The following MACO1 variants were observed in gnomAD, a reference collection of about 807,000 sequenced individuals.
MACO1 encodes the protein macoilin 1, also known as macoilin.
A neutral mutation model predicts 78.7 loss-of-function variants in MACO1; 14 were observed. The ratio of observed to expected loss-of-function variants is 0.18; its 90% CI spans 0.12 to 0.28. The LOEUF (loss-of-function observed/expected upper bound fraction) is 0.28, where lower values mean the gene tolerates loss of function less well. Among genes scored for constraint, MACO1 ranks in the 10% least tolerant of loss-of-function variants. The pLI, the probability that MACO1 is intolerant of heterozygous loss-of-function variation, is 1.00. For missense variants in MACO1, 501 were observed against 799.0 expected, an observed-to-expected ratio of 0.63 and a Z score of 4.50; for synonymous variants, 288 against 291.6, an observed-to-expected ratio of 0.99 and a Z score of 0.12.
chr1:25,455,433 C>T (rs377136466), intron 4 of MACO1, among the ~76,000 whole-genome samples: 2 of 152,196 alleles, frequency 1.3e-5, no homozygotes, highest in East Asian at 1.9e-4. Context: ...AATACTGTTT[C>T]CAGTATTTTT....
intron 6 of MACO1, among the ~76,000 whole-genome samples, chr1:25,480,012 T>C (rs985762828): frequency 6.6e-6 from 1 of 152,242 alleles, no homozygotes; most frequent in Non-Finnish European, 1.5e-5. Flanking sequence ...TTATGAGTTA[T>C]TTATATTTTT....
intron 6 of MACO1, among the ~76,000 whole-genome samples, chr1:25,480,929 A>AAATATAT (rs1553166539): frequency 2.1e-5 from 1 of 47,912 alleles, no homozygotes; most frequent in Non-Finnish European, 3.4e-5. Flanking sequence ...AAAAAAAAAA[A>AAATATAT]ATATATATAT....
chr1:25,487,735 A>G (rs1055111151), intron 8 of MACO1, among the ~76,000 whole-genome samples: 3 of 152,194 alleles, frequency 2.0e-5, no homozygotes, highest in African/African-American at 7.2e-5. Flanking sequence ...AGTGGGGGGA[A>G]AATTTTTTTC....
chr1:25,483,326 C>T (rs2043397728), intron 6 of MACO1, among the ~76,000 whole-genome samples: 1 of 152,232 alleles, frequency 6.6e-6, no homozygotes, highest in African/African-American at 2.4e-5. Context: ...GCTGGGATTA[C>T]AGGCATGAGC....
intron 3 of MACO1, among the ~76,000 whole-genome samples, chr1:25,450,168 A>T (rs2043052875): frequency 6.6e-6 from 1 of 152,234 alleles, no homozygotes; most frequent in Admixed American, 6.5e-5. Context: ...TTAGAGATTT[A>T]AAGACACTGT....
At chr1:25,464,517 G>A (rs2043199216) in intron 6 of MACO1, among the ~76,000 whole-genome samples, 1 of 151,354 alleles carries the variant, frequency 6.6e-6, no homozygotes, top group Admixed American at 6.6e-5. Flanking sequence ...GCTAATTTTT[G>A]TATTTTTGGT....
intron 5 of MACO1, among the ~76,000 whole-genome samples, chr1:25,458,119 C>G (rs1332072997): frequency 6.6e-6 from 1 of 152,124 alleles, no homozygotes; most frequent in Non-Finnish European, 1.5e-5. Flanking sequence ...ATCTTGTTTT[C>G]AAGACTAGAC....
intron 6 of MACO1, 66 bp from the exon 7 acceptor site, chr1:25,484,050 C>T (rs1322767532): frequency 2.0e-6 from 3 of 1,508,920 alleles, no homozygotes; most frequent in African/African-American, 1.4e-5. Context: ...GGACCCCCAC[C>T]AGGTCCCTCC....
intron 1 of MACO1, among the ~76,000 whole-genome samples, chr1:25,435,419 G>T (rs2042911532): frequency 6.6e-6 from 1 of 152,110 alleles, no homozygotes; most frequent in South Asian, 2.1e-4. Context: ...CCTCAAAAGT[G>T]ACTTTTTAAA....
intron 6 of MACO1, among the ~76,000 whole-genome samples, chr1:25,467,281 C>G (rs972318716): frequency 6.6e-6 from 1 of 152,046 alleles, no homozygotes; most frequent in Non-Finnish European, 1.5e-5. Context: ...AAAGAAATCA[C>G]TCTCTAAGAT....
At chr1:25,465,855 CAT>C (rs1253220793) in intron 6 of MACO1, among the ~76,000 whole-genome samples, 8 of 152,206 alleles carry the variant, frequency 5.3e-5, no homozygotes, top group African/African-American at 1.9e-4. Flanking sequence ...TGAGTACAAA[CAT>C]GTAATATCAG....
At chr1:25,471,944 A>G (rs1171253406) in intron 6 of MACO1, among the ~76,000 whole-genome samples, 1 of 152,188 alleles carries the variant, frequency 6.6e-6, no homozygotes, top group Non-Finnish European at 1.5e-5. Flanking sequence ...GTTACAAGGG[A>G]AAAGAGGAGA....
intron 6 of MACO1, among the ~76,000 whole-genome samples, chr1:25,465,512 GTTTTAAT>G (rs763658412): frequency 1.3e-5 from 2 of 152,174 alleles, no homozygotes; most frequent in Non-Finnish European, 2.9e-5. Flanking sequence ...GTATCTCGTT[GTTTTAAT>G]TTGCATTTCC....
intron 8 of MACO1, among the ~76,000 whole-genome samples, chr1:25,486,698 G>A (rs562023675): frequency 6.6e-6 from 1 of 152,110 alleles, no homozygotes; most frequent in South Asian, 2.1e-4. Flanking sequence ...TCTGGCATTT[G>A]CAGAATAATT....
In MACO1 at chr1:25,458,094, A is replaced by G. The variant is rs550708522; in HGVS notation, c.653-297A>G. ...TTGACTAATACACAAAGTGTGACCT[A>G]ATTATAAAACCCTGATCTTGTTTTC... On this transcript the variant is annotated intron_variant, in intron 5 of 10. Transcript: ENST00000374343. Among the ~76,000 whole-genome samples, 3 of 152,312 alleles carry G rather than the reference A, an allele frequency of 2.0e-5. No individual in the cohort carries two copies. The South Asian group carries it at 6.2e-4, about 32-fold the overall frequency.
chr1:25,432,646 TAAAG>T (rs905396833), intron 1 of MACO1, among the ~76,000 whole-genome samples: 3 of 152,224 alleles, frequency 2.0e-5, no homozygotes, highest in African/African-American at 4.8e-5. Context: ...ATTCTTGAAT[TAAAG>T]AAAGTTTTTC....
At chr1:25,468,097 T>G (rs934396051) in intron 6 of MACO1, among the ~76,000 whole-genome samples, 22 of 150,074 alleles carry the variant, frequency 1.5e-4, no homozygotes, top group African/African-American at 5.3e-4. Context: ...TTGGTTAGAA[T>G]TTCAGATTTT....
intron 1 of MACO1, among the ~76,000 whole-genome samples, chr1:25,440,896 T>G (rs565412071): frequency 6.6e-6 from 1 of 152,332 alleles, no homozygotes; most frequent in African/African-American, 2.4e-5. Flanking sequence ...ACCACCGCTG[T>G]CGTCAGAGCC....
chr1:25,448,419 G>A (rs1344769013), intron 2 of MACO1, among the ~76,000 whole-genome samples: 5 of 151,858 alleles, frequency 3.3e-5, no homozygotes, highest in Non-Finnish European at 5.9e-5. Context: ...AGCCAAGATC[G>A]CACCACTGCA....
Sources: gnomAD v4.1 joint callset for allele counts (sites outside exome capture counted in the v4.1 genomes callset) on GRCh38, gnomAD v4.1.1 for gene constraint, MANE v1.5 for transcripts, NCBI Gene and HGNC (gene_info 2026-07-23, HGNC 2026-07-21) for gene names.